FAAH2: variants seen among roughly 807,000 people sequenced by gnomAD.
FAAH2 encodes fatty-acid amide hydrolase 2.
In FAAH2, 60 loss-of-function variants were observed where a neutral mutation model predicts 36.9. The observed-to-expected ratio is 1.63, with a 90% confidence interval of 1.32 to 2.02. The LOEUF (loss-of-function observed/expected upper bound fraction) is 2.02. Ranked by LOEUF, FAAH2 falls within the 30% of genes most tolerant of loss-of-function variation. FAAH2 has a pLI of 0.00. For missense variants in FAAH2, 689 were observed against 397.5 expected (o/e 1.73, Z -6.23); for synonymous variants, 214 against 143.8 (o/e 1.49, Z -3.49).
chrX:57,485,162 C>T (rs1044779444), intron 10 of FAAH2, among the ~76,000 whole-genome samples: 2 of 112,044 alleles, frequency 1.8e-5, no homozygotes, highest in Non-Finnish European at 3.8e-5. Flanking sequence ...ACGTGTTACA[C>T]CCACACTTTC....
chrX:57,457,513 C>T (rs1162127299), intron 10 of FAAH2, among the ~76,000 whole-genome samples: 2 of 110,348 alleles, frequency 1.8e-5, no homozygotes, highest in Non-Finnish European at 3.8e-5. Context: ...CAAACTCTCT[C>T]TCTTTACTGA....
the FAAH2 span, among the ~76,000 whole-genome samples, chrX:57,195,011 T>A: frequency 9.0e-6 from 1 of 111,211 alleles, no homozygotes; most frequent in Admixed American, 9.6e-5. Context: ...ATCTACTCAT[T>A]GATTGATGGA....
At chrX:57,151,569 G>T in the FAAH2 span, among the ~76,000 whole-genome samples, 1 of 111,806 alleles carries the variant, frequency 8.9e-6, no homozygotes, top group South Asian at 3.8e-4. Context: ...TGAGTCTTCT[G>T]CATTGTTCAT....
At chrX:57,134,113 G>A in the FAAH2 span, among the ~76,000 whole-genome samples, 2 of 111,474 alleles carry the variant, frequency 1.8e-5, no homozygotes, top group African/African-American at 3.3e-5. Flanking sequence ...GGCAAGGAGG[G>A]GAGAAAGAGA....
chrX:57,288,270 A>T (rs2051868190), intron 1 of FAAH2, among the ~76,000 whole-genome samples: 1 of 106,651 alleles, frequency 9.4e-6, no homozygotes, highest in Non-Finnish European at 1.9e-5. Context: ...TGGACTCTAG[A>T]GTCAGACTCC....
the FAAH2 span, among the ~76,000 whole-genome samples, chrX:57,237,164 A>G: frequency 1.8e-5 from 2 of 111,394 alleles, no homozygotes; most frequent in Non-Finnish European, 1.9e-5. Flanking sequence ...ATATGTGACC[A>G]TAAGTGTGTA....
At chrX:57,180,466 A>G in the FAAH2 span, among the ~76,000 whole-genome samples, 7 of 111,926 alleles carry the variant, frequency 6.3e-5, no homozygotes, top group Admixed American at 2.9e-4. Flanking sequence ...TTATACAAAT[A>G]ACAATCATAT....
the FAAH2 span, among the ~76,000 whole-genome samples, chrX:57,160,270 GT>G: frequency 4.5e-5 from 5 of 111,650 alleles, no homozygotes; most frequent in Non-Finnish European, 7.5e-5. Context: ...TTGCATCAAT[GT>G]TCATTAGGGA....
At chrX:57,122,503 T>G in the FAAH2 span, among the ~76,000 whole-genome samples, 1 of 112,388 alleles carries the variant, frequency 8.9e-6, no homozygotes, top group African/African-American at 3.2e-5. Context: ...TAAGAAATAA[T>G]TAAAGTTATA....
the FAAH2 span, among the ~76,000 whole-genome samples, chrX:57,199,942 C>T: frequency 2.7e-5 from 3 of 111,051 alleles, no homozygotes; most frequent in African/African-American, 6.5e-5. Context: ...ATATCGAATA[C>T]GTTTTTAATT....
At chrX:57,132,748 C>T in the FAAH2 span, among the ~76,000 whole-genome samples, 2 of 112,455 alleles carry the variant, frequency 1.8e-5, no homozygotes, top group Non-Finnish European at 3.8e-5. Flanking sequence ...TAAGACAAAC[C>T]TTGTCTCCCC....
At chrX:57,269,905 A>C in the FAAH2 span, among the ~76,000 whole-genome samples, 1 of 111,379 alleles carries the variant, frequency 9.0e-6, no homozygotes, top group African/African-American at 3.3e-5. Flanking sequence ...AAAGGCACAA[A>C]AAAACATTCA....
the FAAH2 span, among the ~76,000 whole-genome samples, chrX:57,263,200 G>T: frequency 3.6e-5 from 4 of 111,321 alleles, no homozygotes; most frequent in Non-Finnish European, 7.6e-5. Context: ...ATAGAAAATC[G>T]CAAGGAGTGT....
chrX:57,130,497 C>A, the FAAH2 span, among the ~76,000 whole-genome samples: 6 of 112,417 alleles, frequency 5.3e-5, no homozygotes, highest in Non-Finnish European at 1.1e-4. Context: ...GGACTTCCCT[C>A]ACACTATTAA....
At position 57,322,606 on chromosome X, in the gene FAAH2, T is replaced by G. The variant is rs2053063644; in HGVS notation, c.413-8992T>G. Among the ~76,000 whole-genome samples the G allele has an allele frequency of 4.5e-5, 5 of 111,536 alleles. No individual in the cohort carries two copies. In the Admixed American group the frequency reaches 4.8e-4, roughly 11 times the overall value. On this transcript the variant is annotated intron_variant, in intron 3 of 10. Transcript: ENST00000374900. ...CCTGAAATATATTTTCTAATTTGCCTTCTTTCTCTTTTTCTTTTCTGGAAT... is the reference window on the plus strand; with the variant it reads ...CCTGAAATATATTTTCTAATTTGCCGTCTTTCTCTTTTTCTTTTCTGGAAT...
At chrX:57,371,345 G>A (rs987037233) in intron 5 of FAAH2, among the ~76,000 whole-genome samples, 2 of 111,514 alleles carry the variant, frequency 1.8e-5, no homozygotes, top group Non-Finnish European at 3.8e-5. Flanking sequence ...GAGAACATGC[G>A]GTATTTGGTT....
At chrX:57,421,678 G>T (rs991678964) in intron 7 of FAAH2, among the ~76,000 whole-genome samples, 4 of 111,611 alleles carry the variant, frequency 3.6e-5, no homozygotes, top group African/African-American at 1.3e-4. Flanking sequence ...CACATTAAGG[G>T]TTAGGGTTGC....
intron 7 of FAAH2, among the ~76,000 whole-genome samples, chrX:57,387,415 C>T (rs963128571): frequency 1.3e-4 from 14 of 110,464 alleles, no homozygotes; most frequent in Non-Finnish European, 1.9e-4. Flanking sequence ...ATAGGATGTA[C>T]GATGAAAATG....
intron 7 of FAAH2, among the ~76,000 whole-genome samples, chrX:57,412,395 C>T (rs914218961): frequency 1.8e-5 from 2 of 110,675 alleles, no homozygotes; most frequent in African/African-American, 6.6e-5. Context: ...ATGACAGGCC[C>T]CAGCATGTGA....
Sources: allele counts gnomAD v4.1 joint callset (sites outside exome capture counted in the v4.1 genomes callset), GRCh38; gene constraint gnomAD v4.1.1; transcripts MANE v1.5; gene names NCBI Gene and HGNC (gene_info 2026-07-23, HGNC 2026-07-21).